VPS53: variants seen among roughly 807,000 people sequenced by gnomAD.
VPS53 encodes VPS53 subunit of GARP complex, also known as vacuolar protein sorting-associated protein 53 homolog.
In VPS53, 70 loss-of-function variants were observed where a neutral mutation model predicts 107.0. The observed-to-expected ratio is 0.65, with a 90% confidence interval of 0.54 to 0.80. The LOEUF is 0.80. VPS53 is among the 30% of genes least tolerant of loss of function. The probability of loss-of-function intolerance (pLI) is 0.00; values close to 1 mark genes in which losing one functional copy is unlikely to be tolerated. For missense variants in VPS53, 917 were observed against 1,049.4 expected (o/e 0.87, Z 1.74); for synonymous variants, 409 against 393.3 (o/e 1.04, Z -0.47).
At chr17:705,423 T>C (rs1376949589) in intron 2 of VPS53, among the ~76,000 whole-genome samples, 2 of 143,638 alleles carry the variant, frequency 1.4e-5, no homozygotes. Flanking sequence ...GCCCAGTCTG[T>C]AAAAAAAAAA....
At chr17:660,534 A>G (rs1971397484) in intron 5 of VPS53, among the ~76,000 whole-genome samples, 2 of 152,198 alleles carry the variant, frequency 1.3e-5, no homozygotes, top group African/African-American at 2.4e-5. Flanking sequence ...CATCATAAGG[A>G]TATCAATAAA....
intron 19 of VPS53, among the ~76,000 whole-genome samples, chr17:521,964 A>C (rs1358456505): frequency 6.6e-6 from 1 of 152,188 alleles, no homozygotes; most frequent in Non-Finnish European, 1.5e-5. Flanking sequence ...TAAAAAACTA[A>C]ATCAGGGGGC....
intron 13 of VPS53, among the ~76,000 whole-genome samples, chr17:583,093 T>C (rs755541395): frequency 2.8e-5 from 4 of 143,890 alleles, no homozygotes; most frequent in Non-Finnish European, 6.0e-5. Context: ...CACAACCTAA[T>C]GCGTTCCCAA....
chr17:659,866 G>A (rs1327425292), intron 5 of VPS53, among the ~76,000 whole-genome samples: 1 of 152,006 alleles, frequency 6.6e-6, no homozygotes, highest in African/African-American at 2.4e-5. Context: ...TTATTCCCAG[G>A]ATCTCCCGTC....
At chr17:689,050 G>A (rs951000412) in intron 4 of VPS53, among the ~76,000 whole-genome samples, 1 of 152,186 alleles carries the variant, frequency 6.6e-6, no homozygotes, top group African/African-American at 2.4e-5. Context: ...TGTTTTAGTA[G>A]GAAGAAGCAA....
At chr17:608,918 C>T (rs1170061451) in intron 11 of VPS53, among the ~76,000 whole-genome samples, 1 of 151,406 alleles carries the variant, frequency 6.6e-6, no homozygotes, top group Non-Finnish European at 1.5e-5. Context: ...CGGCCCACTG[C>T]TCATTTTTTT....
intron 1 of VPS53, chr17:714,345 T>C: frequency 2.2e-6 from 1 of 460,444 alleles, no homozygotes; most frequent in Non-Finnish European, 3.9e-6. Context: ...AAGGCCTGCA[T>C]TCTCCTAGCG....
At chr17:578,688 C>T (rs977468078) in intron 13 of VPS53, among the ~76,000 whole-genome samples, 1 of 149,578 alleles carries the variant, frequency 6.7e-6, no homozygotes, top group Non-Finnish European at 1.5e-5. Flanking sequence ...AACCTAATTC[C>T]TTCCCAGAGA....
chr17:597,846 A>T (rs1968050394), intron 12 of VPS53, among the ~76,000 whole-genome samples: 1 of 152,092 alleles, frequency 6.6e-6, no homozygotes, highest in African/African-American at 2.4e-5. Context: ...CTGGGATTAC[A>T]GGCATGAGCC....
intron 17 of VPS53, among the ~76,000 whole-genome samples, chr17:543,502 C>T (rs1464408880): frequency 6.6e-6 from 1 of 151,852 alleles, no homozygotes; most frequent in Non-Finnish European, 1.5e-5. Context: ...ATTTATTTAC[C>T]TGAGTGATGT....
intron 2 of VPS53, among the ~76,000 whole-genome samples, chr17:708,535 G>A (rs920315357): frequency 1.3e-5 from 2 of 152,224 alleles, no homozygotes; most frequent in African/African-American, 4.8e-5. Context: ...ACAGGGAGAT[G>A]CTGAAGCCTC....
intron 13 of VPS53, among the ~76,000 whole-genome samples, chr17:578,716 A>G (rs1482066589): frequency 6.6e-6 from 1 of 151,896 alleles, no homozygotes; most frequent in Admixed American, 6.6e-5. Flanking sequence ...TCAGAACCTC[A>G]GTCAATTACC....
chr17:598,122 C>T (rs1968078059), intron 12 of VPS53, among the ~76,000 whole-genome samples: 1 of 152,188 alleles, frequency 6.6e-6, no homozygotes, highest in Admixed American at 6.5e-5. Flanking sequence ...CAGGCTCGCG[C>T]CGCCACACCT....
At chr17:639,296 G>A (rs1051886064) in intron 7 of VPS53, among the ~76,000 whole-genome samples, 1 of 151,970 alleles carries the variant, frequency 6.6e-6, no homozygotes, top group African/African-American at 2.4e-5. Context: ...CTCTAGACTG[G>A]TTATTCTAGT....
At chr17:677,244 T>C (rs1972205215) in intron 4 of VPS53, among the ~76,000 whole-genome samples, 1 of 152,158 alleles carries the variant, frequency 6.6e-6, no homozygotes, top group Non-Finnish European at 1.5e-5. Flanking sequence ...GTGGTGGAAC[T>C]ACACCACGGA....
chr17:661,788 T>G, intron 5 of VPS53, 21 bp downstream of exon 5: 1 of 1,549,274 alleles, frequency 6.5e-7, no homozygotes, highest in Non-Finnish European at 8.7e-7. Context: ...GCAAAAAGGT[T>G]AGGAAGAAAC....
At chr17:677,361 T>C (rs1220505247) in intron 4 of VPS53, among the ~76,000 whole-genome samples, 7 of 152,194 alleles carry the variant, frequency 4.6e-5, no homozygotes, top group African/African-American at 7.2e-5. Context: ...GGTCAAATAT[T>C]GTAGAATTCC....
intron 11 of VPS53, among the ~76,000 whole-genome samples, chr17:603,154 G>A (rs1968402478): frequency 6.6e-6 from 1 of 152,232 alleles, no homozygotes; most frequent in Admixed American, 6.5e-5. Flanking sequence ...GCCGGGTGCA[G>A]TGGCTCACAC....
At chr17:708,523 C>G (rs750918415) in intron 2 of VPS53, among the ~76,000 whole-genome samples, 2 of 152,202 alleles carry the variant, frequency 1.3e-5, no homozygotes, top group South Asian at 2.1e-4. Flanking sequence ...AAGCACAGCA[C>G]CACAGGGAGA....
Sources: allele counts gnomAD v4.1 joint callset (sites outside exome capture counted in the v4.1 genomes callset), GRCh38; gene constraint gnomAD v4.1.1; transcripts MANE v1.5; gene names NCBI Gene and HGNC (gene_info 2026-07-23, HGNC 2026-07-21).